Variants in EEFSEC observed in about 807,000 individuals in gnomAD.
The protein encoded by EEFSEC is eukaryotic elongation factor, selenocysteine-tRNA specific, also known as selenocysteine-specific elongation factor.
EEFSEC carries 43 observed loss-of-function variants against 42.1 expected under a neutral mutation model. The ratio of observed to expected loss-of-function variants is 1.02; its 90% CI spans 0.80 to 1.32. The LOEUF (loss-of-function observed/expected upper bound fraction) is 1.32. Ranked by LOEUF, EEFSEC falls within the 40% of genes most tolerant of loss-of-function variation. EEFSEC has a pLI of 0.00. For missense variants in EEFSEC, 745 were observed against 803.6 expected (o/e 0.93, Z 0.88); for synonymous variants, 354 against 339.1 (o/e 1.04, Z -0.48).
chr3:128,287,486 C>T (rs1196992503), intron 4 of EEFSEC, among the ~76,000 whole-genome samples: 1 of 152,182 alleles, frequency 6.6e-6, no homozygotes, highest in Non-Finnish European at 1.5e-5. Context: ...TCCTTAAGGC[C>T]TCAACATGCA....
At chr3:128,256,890 T>G (rs552731803) in intron 2 of EEFSEC, among the ~76,000 whole-genome samples, 24 of 152,300 alleles carry the variant, frequency 1.6e-4, no homozygotes, top group African/African-American at 5.8e-4. Context: ...ACTACAGGCA[T>G]GTGCTACCAC....
intron 1 of EEFSEC, among the ~76,000 whole-genome samples, chr3:128,181,577 AG>A (rs1398751247): frequency 6.6e-6 from 1 of 152,230 alleles, no homozygotes; most frequent in Non-Finnish European, 1.5e-5. Flanking sequence ...GACGGCGATA[AG>A]GAGTTTTGAA....
At chr3:128,400,324 G>T (rs1335268814) in intron 6 of EEFSEC, among the ~76,000 whole-genome samples, 4 of 152,204 alleles carry the variant, frequency 2.6e-5, no homozygotes. Context: ...CCCTGCTGAT[G>T]GGGGTGGCCT....
chr3:128,216,113 C>T (rs1004613456), intron 1 of EEFSEC, among the ~76,000 whole-genome samples: 2 of 152,190 alleles, frequency 1.3e-5, no homozygotes, highest in African/African-American at 4.8e-5. Flanking sequence ...TCATACATCA[C>T]ACAGCCCAGC....
At chr3:128,208,375 G>C (rs2065722693) in intron 1 of EEFSEC, among the ~76,000 whole-genome samples, 1 of 152,196 alleles carries the variant, frequency 6.6e-6, no homozygotes, top group South Asian at 2.1e-4. Flanking sequence ...ATGACTGTAA[G>C]TTAGGCTCAG....
intron 1 of EEFSEC, among the ~76,000 whole-genome samples, chr3:128,176,282 G>A (rs572168027): frequency 3.9e-5 from 6 of 151,954 alleles, no homozygotes; most frequent in South Asian, 2.1e-4. Flanking sequence ...GTGATAATCC[G>A]ATTGGAGAGA....
At chr3:128,395,080 G>A (rs1323057683) in intron 6 of EEFSEC, among the ~76,000 whole-genome samples, 1 of 152,218 alleles carries the variant, frequency 6.6e-6, no homozygotes, top group African/African-American at 2.4e-5. Context: ...GCAGCATGGG[G>A]CCTTATGTCC....
Position 128,153,622 on chromosome 3 carries a change from CAGCCGCAG to C in EEFSEC, c.122_129del (p.Gln41ArgfsTer68). 1 of 1,597,300 alleles carries C rather than the reference CAGCCGCAG, an allele frequency of 6.3e-7. No homozygotes were observed. Among genetic ancestry groups the C allele is most frequent in the Admixed American group, 1.7e-5 (1 of 59,730 alleles). ...AGCCTCCACCGCCGCCTTTGACAAG[CAGCCGCAG>C]AGCCGCGAGCGCGGCATCACGCTCG... On this transcript the variant is annotated frameshift_variant, in exon 1 of 7. Transcript: ENST00000254730. LOFTEE classifies it high-confidence loss of function.
chr3:128,222,633 T>G (rs1458214241), intron 1 of EEFSEC, among the ~76,000 whole-genome samples: 2 of 152,264 alleles, frequency 1.3e-5, no homozygotes, highest in East Asian at 3.8e-4. Context: ...TCTTGATGAA[T>G]GTATGCACTG....
At chr3:128,364,738 G>A (rs1021051288) in intron 6 of EEFSEC, among the ~76,000 whole-genome samples, 1 of 152,192 alleles carries the variant, frequency 6.6e-6, no homozygotes, top group African/African-American at 2.4e-5. Flanking sequence ...GCACTGCTGT[G>A]GGGATGCACT....
At chr3:128,376,207 T>C (rs1390743387) in intron 6 of EEFSEC, among the ~76,000 whole-genome samples, 1 of 152,216 alleles carries the variant, frequency 6.6e-6, no homozygotes, top group Admixed American at 6.5e-5. Flanking sequence ...CTGGGTCATG[T>C]GCTCCTCTTG....
At chr3:128,364,912 C>T (rs2067570895) in intron 6 of EEFSEC, among the ~76,000 whole-genome samples, 1 of 152,224 alleles carries the variant, frequency 6.6e-6, no homozygotes, top group African/African-American at 2.4e-5. Context: ...GTGAATGGGC[C>T]AGAGTTCTCT....
intron 2 of EEFSEC, among the ~76,000 whole-genome samples, chr3:128,248,306 G>A (rs1036240776): frequency 2.6e-5 from 4 of 152,132 alleles, no homozygotes; most frequent in Non-Finnish European, 4.4e-5. Context: ...AGTAGAGAGC[G>A]TTTTTGTTTC....
intron 1 of EEFSEC, among the ~76,000 whole-genome samples, chr3:128,212,974 A>G (rs960935327): frequency 6.6e-6 from 1 of 152,230 alleles, no homozygotes; most frequent in East Asian, 1.9e-4. Context: ...GCTAGCACAC[A>G]TCTGCAGCGC....
chr3:128,305,636 G>T (rs1352770703), intron 4 of EEFSEC, among the ~76,000 whole-genome samples: 1 of 151,902 alleles, frequency 6.6e-6, no homozygotes, highest in Non-Finnish European at 1.5e-5. Context: ...AAATTCATTT[G>T]TATCTAGTTT....
intron 5 of EEFSEC, among the ~76,000 whole-genome samples, chr3:128,357,410 T>C (rs2067467478): frequency 6.6e-6 from 1 of 152,194 alleles, no homozygotes; most frequent in African/African-American, 2.4e-5. Flanking sequence ...GCGGCCAACA[T>C]GGCCAGCAGG....
chr3:128,268,701 T>C (rs1402452707), intron 4 of EEFSEC, among the ~76,000 whole-genome samples: 1 of 151,788 alleles, frequency 6.6e-6, no homozygotes, highest in Admixed American at 6.6e-5. Flanking sequence ...AAGGCAGAGA[T>C]TGGAGCTCTG....
chr3:128,185,528 T>C (rs1016035808), intron 1 of EEFSEC, among the ~76,000 whole-genome samples: 11 of 152,156 alleles, frequency 7.2e-5, no homozygotes, highest in Non-Finnish European at 7.4e-5. Flanking sequence ...ATATATACTT[T>C]ATGACCTTTC....
chr3:128,191,236 AG>A (rs2065521034), intron 1 of EEFSEC, among the ~76,000 whole-genome samples: 1 of 152,162 alleles, frequency 6.6e-6, no homozygotes, highest in Non-Finnish European at 1.5e-5. Context: ...TGCCATATAA[AG>A]TTTCCTTTTT....
Sources: gnomAD v4.1 joint callset for allele counts (sites outside exome capture counted in the v4.1 genomes callset) on GRCh38, gnomAD v4.1.1 for gene constraint, MANE v1.5 for transcripts, NCBI Gene and HGNC (gene_info 2026-07-23, HGNC 2026-07-21) for gene names.